Variants in CHMP5 observed in about 807,000 individuals in gnomAD.
The protein encoded by CHMP5 is charged multivesicular body protein 5.
CHMP5 carries 17 observed loss-of-function variants against 33.0 expected under a neutral mutation model. The ratio of observed to expected loss-of-function variants is 0.52; its 90% CI spans 0.35 to 0.77. The LOEUF (loss-of-function observed/expected upper bound fraction) is 0.77, where lower values mean the gene tolerates loss of function less well. Ranked by LOEUF, CHMP5 falls within the 30% of genes least tolerant of loss-of-function variation. CHMP5 has a pLI of 0.01. For missense variants in CHMP5, 216 were observed against 261.5 expected (o/e 0.83, Z 1.20); for synonymous variants, 76 against 90.2 (o/e 0.84, Z 0.89).
chr9:33,278,812 C>G (rs1820886133), intron 7 of CHMP5, among the ~76,000 whole-genome samples: 1 of 152,132 alleles, frequency 6.6e-6, no homozygotes, highest in African/African-American at 2.4e-5. Context: ...TTTTCTTTTC[C>G]TTGCATCTGT....
intron 5 of CHMP5, among the ~76,000 whole-genome samples, chr9:33,274,541 T>G (rs1820830692): frequency 6.6e-6 from 1 of 152,164 alleles, no homozygotes. Context: ...ATATATATAG[T>G]ATTAGGTGCT....
chr9:33,271,798 A>G (rs1820797262), intron 5 of CHMP5, among the ~76,000 whole-genome samples: 1 of 152,218 alleles, frequency 6.6e-6, no homozygotes, highest in Admixed American at 6.5e-5. Context: ...GATGAAATAA[A>G]TGAGCTAGTA....
chr9:33,281,559 A>C lies in CHMP5; in HGVS notation c.*700A>C, dbSNP rs1820922815. The C allele has an allele frequency of 6.6e-6, 1 of 152,580 alleles. No individual in the cohort carries two copies. The highest frequency in any genetic ancestry group is 6.5e-5 in the Admixed American group (1 of 15,294). 9.5% of individuals were successfully genotyped at this position (152,580 alleles called of 1,614,324 possible). The stretch of plus-strand genomic sequence containing the variant: ...TTCAGCTTAAAACCTCTACTGCGGA[A>C]ACCAAATTTAATAGAATTTTAATGT... On this transcript the variant is annotated 3_prime_UTR_variant, in exon 8 of 8. Coordinates refer to ENST00000223500, the MANE Select transcript of CHMP5 (RefSeq NM_016410.6).
In CHMP5 at chr9:33,271,231, A is replaced by G; in HGVS notation, c.387+8A>G. 1 of 1,609,300 alleles carries G rather than the reference A, an allele frequency of 6.2e-7. No homozygotes were observed. Among genetic ancestry groups the G allele is most frequent in the South Asian group, 1.1e-5 (1 of 90,964 alleles). On this transcript the variant is annotated splice_region_variant and intron_variant, in intron 5 of 7. Coordinates refer to ENST00000223500, the MANE Select transcript of CHMP5 (RefSeq NM_016410.6). The stretch of plus-strand genomic sequence containing the variant: ...AAGATCGACCAGATTGAGGTGAGAC[A>G]TATGCTAGTTTCTGCAAGAATGTGC...
Position 33,280,955 on chromosome 9 carries a change from C to A in CHMP5, c.*96C>A. The A allele has an allele frequency of 2.0e-6, 2 of 977,670 alleles. No individual in the cohort carries two copies. Among genetic ancestry groups the A allele is most frequent in the Non-Finnish European group, 1.5e-6 (1 of 664,452 alleles). The allele number at this position is 977,670 out of a possible 1,614,324, so 60.6% of individuals were successfully genotyped here. A position where few individuals can be genotyped will look rare whatever the true frequency, so the allele number is the denominator to read the frequency against. On this transcript the variant is annotated 3_prime_UTR_variant, in exon 8 of 8. Coordinates refer to ENST00000223500, the MANE Select transcript of CHMP5 (RefSeq NM_016410.6). Reference sequence around the variant, plus strand: ...AATTTGCCATAACAGATTTAGGTTTCTTTCCTTTCTTTGAAGGAAAGTTTA... The same window carrying A: ...AATTTGCCATAACAGATTTAGGTTTATTTCCTTTCTTTGAAGGAAAGTTTA...
chr9:33,280,894 C>G lies in CHMP5; in HGVS notation c.*35C>G. 1 of 1,549,496 alleles carries G rather than the reference C, an allele frequency of 6.5e-7. No homozygotes were observed. Among genetic ancestry groups the G allele is most frequent in the East Asian group, 2.3e-5 (1 of 44,206 alleles). On this transcript the variant is annotated 3_prime_UTR_variant, in exon 8 of 8. Coordinates refer to ENST00000223500, the MANE Select transcript of CHMP5 (RefSeq NM_016410.6). The stretch of plus-strand genomic sequence containing the variant: ...ATTCAAGCATATCTTGTAAAACAAA[C>G]ACATATTATGGGACTAGGAAATATT...
intron 5 of CHMP5, among the ~76,000 whole-genome samples, chr9:33,271,482 C>G (rs1295072142): frequency 6.6e-6 from 1 of 152,210 alleles, no homozygotes; most frequent in Non-Finnish European, 1.5e-5. Flanking sequence ...GGTGCGAAAA[C>G]TATATGCATT....
Position 33,278,128 on chromosome 9 carries a change from G to A in CHMP5, c.512G>A (p.Gly171Asp). 6.2e-7 allele frequency: 1 copy of A among 1,610,070 alleles called. No individual in the cohort carries two copies. Reference protein sequence around the residue: ...DDLEAELDALGDELLADEDSS... With the variant: ...DDLEAELDALDDELLADEDSS... ...TCAATCTCAGAGTTGGATGCACTAGGTGATGAGCTTCTGGCTGATGAAGAC... is the reference window on the plus strand; with the variant it reads ...TCAATCTCAGAGTTGGATGCACTAGATGATGAGCTTCTGGCTGATGAAGAC... Residue 171 changes from glycine to aspartate, a missense_variant, in exon 7 of 8, where the codon GGT (glycine) becomes GAT (aspartate). Coordinates refer to ENST00000223500, the MANE Select transcript of CHMP5 (RefSeq NM_016410.6).
chr9:33,278,656 A>G (rs1229660503), intron 7 of CHMP5, among the ~76,000 whole-genome samples: 1 of 150,080 alleles, frequency 6.7e-6, no homozygotes, highest in Non-Finnish European at 1.5e-5. Context: ...TTTTTCCTGT[A>G]CACACAGGAG....
intron 3 of CHMP5, among the ~76,000 whole-genome samples, chr9:33,270,313 G>T (rs980094046): frequency 2.6e-5 from 4 of 152,272 alleles, no homozygotes; most frequent in Admixed American, 2.0e-4. Context: ...ACCTAGGTTT[G>T]TGTAAATACA....
At chr9:33,266,233 G>A in intron 2 of CHMP5, 119 bp downstream of exon 2, 2 of 562,764 alleles carry the variant, frequency 3.6e-6, no homozygotes, top group Non-Finnish European at 6.4e-6. Flanking sequence ...AGCACTTTGG[G>A]AGGCTGAGGC....
intron 7 of CHMP5, among the ~76,000 whole-genome samples, chr9:33,278,529 G>A (rs1478029528): frequency 6.6e-6 from 1 of 152,192 alleles, no homozygotes; most frequent in East Asian, 1.9e-4. Flanking sequence ...CTGTAAAAGC[G>A]TAAGCAACAC....
intron 5 of CHMP5, among the ~76,000 whole-genome samples, chr9:33,276,087 A>C (rs1820850899): frequency 6.6e-6 from 1 of 152,210 alleles, no homozygotes; most frequent in African/African-American, 2.4e-5. Context: ...TGCCACCAAA[A>C]ATAGGCAAGG....
chr9:33,269,696 C>G (rs1044517634), intron 3 of CHMP5, among the ~76,000 whole-genome samples: 1 of 151,766 alleles, frequency 6.6e-6, no homozygotes, highest in Non-Finnish European at 1.5e-5. Context: ...TGTAGCAGGC[C>G]GGGTGCGGTG....
rs761084598 is a variant in CHMP5 at position 33,280,823 on chromosome 9, G to A, written c.624G>A (p.Val208=). 4 of 1,611,468 alleles carry A rather than the reference G, an allele frequency of 2.5e-6. No individual in the cohort carries two copies. The Admixed American group carries it at 6.7e-5, about 27-fold the overall frequency. Residue 208 remains valine, a synonymous_variant, in exon 8 of 8, where the codon GTG becomes GTA. Coordinates refer to ENST00000223500, the MANE Select transcript of CHMP5 (RefSeq NM_016410.6). ...TDTKNKDGVL[V]DEFGLPQIPA... is the part of the protein sequence containing the mutation. ...CCTTTTTACAGGATGGAGTTCTGGT[G>A]GATGAATTTGGATTGCCACAGATCC...
chr9:33,266,036 CA>C lies in CHMP5; in HGVS notation c.98del (p.Lys33ArgfsTer10). 1 of 1,612,868 alleles carries C rather than the reference CA, an allele frequency of 6.2e-7. No individual in the cohort carries two copies. Among genetic ancestry groups the C allele is most frequent in the South Asian group, 1.1e-5 (1 of 91,058 alleles). On this transcript the variant is annotated frameshift_variant, in exon 2 of 8. Transcript: ENST00000223500. LOFTEE classifies it high-confidence loss of function. ...TVDSRAESIDKKISRLDAELV... is the reference protein window; with the variant it reads ...TVDSRAESIDXKISRLDAELV... Reference sequence around the variant, plus strand: ...TGGACAGTAGAGCAGAATCCATTGACAAGAAGATTTCTCGATTGGATGCTGA... The same window carrying C: ...TGGACAGTAGAGCAGAATCCATTGACAGAAGATTTCTCGATTGGATGCTGA...
chr9:33,276,793 T>C (rs1423595311), intron 6 of CHMP5, among the ~76,000 whole-genome samples: 1 of 152,218 alleles, frequency 6.6e-6, no homozygotes, highest in Non-Finnish European at 1.5e-5. Context: ...CAGGCTGACC[T>C]GGTGCTTGGT....
intron 5 of CHMP5, 65 bp from the exon 6 acceptor site, chr9:33,276,391 G>A: frequency 1.2e-6 from 1 of 846,064 alleles, no homozygotes. Flanking sequence ...GGAGAATGTA[G>A]GGGAAAAGGG....
intron 2 of CHMP5, among the ~76,000 whole-genome samples, chr9:33,266,622 C>A (rs1293683185): frequency 2.6e-5 from 4 of 152,108 alleles, no homozygotes; most frequent in Non-Finnish European, 5.9e-5. Context: ...GGGGATTGAT[C>A]TGGTGGAAAG....
Sources: gnomAD v4.1 joint callset for allele counts (sites outside exome capture counted in the v4.1 genomes callset) on GRCh38, gnomAD v4.1.1 for gene constraint, MANE v1.5 for transcripts, NCBI Gene and HGNC (gene_info 2026-07-23, HGNC 2026-07-21) for gene names.